Variants in PDE3A observed in about 807,000 individuals in gnomAD.
PDE3A encodes phosphodiesterase 3A, also known as cGMP-inhibited 3',5'-cyclic phosphodiesterase 3A.
PDE3A carries 43 observed loss-of-function variants against 98.3 expected under a neutral mutation model. The ratio of observed to expected loss-of-function variants is 0.44; its 90% CI spans 0.34 to 0.56. The LOEUF is 0.56. PDE3A is among the 20% of genes least tolerant of loss of function. The pLI is 0.01. For missense variants in PDE3A, 1,427 were observed against 1,440.7 expected, an observed-to-expected ratio of 0.99 and a Z score of 0.15; for synonymous variants, 663 against 567.9, an observed-to-expected ratio of 1.17 and a Z score of -2.38.
At chr12:20,382,324 C>G (rs1226628543) in intron 1 of PDE3A, among the ~76,000 whole-genome samples, 1 of 151,858 alleles carries the variant, frequency 6.6e-6, no homozygotes, top group Non-Finnish European at 1.5e-5. Flanking sequence ...ATTCAACAAA[C>G]AGTTTAAAAG....
chr12:20,492,728 T>A (rs1945850828), intron 1 of PDE3A, among the ~76,000 whole-genome samples: 1 of 152,008 alleles, frequency 6.6e-6, no homozygotes, highest in Non-Finnish European at 1.5e-5. Context: ...GAGGGGTGAT[T>A]ATAAATACTC....
At chr12:20,592,509 A>G (rs1943364003) in intron 2 of PDE3A, among the ~76,000 whole-genome samples, 1 of 152,150 alleles carries the variant, frequency 6.6e-6, no homozygotes, top group Non-Finnish European at 1.5e-5. Context: ...CCAATGATGT[A>G]TGTGTGCTGT....
chr12:20,491,518 A>C (rs573985408), intron 1 of PDE3A, among the ~76,000 whole-genome samples: 2 of 152,280 alleles, frequency 1.3e-5, no homozygotes, highest in African/African-American at 4.8e-5. Flanking sequence ...GTTTCTTCAG[A>C]GGTCAAGAAA....
chr12:20,369,613 G>A lies in PDE3A; in HGVS notation c.329G>A (p.Gly110Asp), dbSNP rs560681661. The change falls in exon 1 of 16, where the codon GGC (glycine) becomes GAC (aspartate). Residue 110 changes from glycine (G) to aspartate (D), a missense_variant. Gly to Asp is a moderately conservative substitution (Grantham distance 94). Transcript: ENST00000359062. ...EEEAAPGAEG[G>D]VFPGPRGGAP... ...GAAGCAGCCCCGGGAGCAGAAGGGG[G>A]CGTCTTCCCGGGGCCTCGGGGAGGT... 5.7e-6 allele frequency: 9 copies of A among 1,574,760 alleles called. No homozygotes were observed. The East Asian group carries it at 1.6e-4, about 29-fold the overall frequency.
At chr12:20,675,325 A>G (rs1444147355) in intron 15 of PDE3A, among the ~76,000 whole-genome samples, 2 of 152,178 alleles carry the variant, frequency 1.3e-5, no homozygotes, top group South Asian at 2.1e-4. Flanking sequence ...CTTATTTTGT[A>G]TCCTAGCATC....
intron 1 of PDE3A, among the ~76,000 whole-genome samples, chr12:20,427,051 A>T (rs796550920): frequency 3.9e-5 from 6 of 152,336 alleles, no homozygotes; most frequent in African/African-American, 1.4e-4. Flanking sequence ...TTAAGAATGG[A>T]TCAAGGAACA....
chr12:20,378,396 T>G (rs1224017736), intron 1 of PDE3A, among the ~76,000 whole-genome samples: 2 of 151,900 alleles, frequency 1.3e-5, no homozygotes, highest in Non-Finnish European at 3.0e-5. Context: ...TATATATAGA[T>G]ATATAGATTA....
chr12:20,475,644 T>A (rs1210743538), intron 1 of PDE3A, among the ~76,000 whole-genome samples: 1 of 152,000 alleles, frequency 6.6e-6, no homozygotes, highest in African/African-American at 2.4e-5. Flanking sequence ...GTAGGAGGAT[T>A]GATTGAACCT....
chr12:20,587,228 C>T (rs1020139992), intron 2 of PDE3A, among the ~76,000 whole-genome samples: 5 of 152,050 alleles, frequency 3.3e-5, no homozygotes, highest in African/African-American at 7.2e-5. Context: ...ATTAGCCAGG[C>T]GAGGTGGTTG....
intron 1 of PDE3A, among the ~76,000 whole-genome samples, chr12:20,389,322 C>T (rs1198021399): frequency 6.6e-6 from 1 of 151,746 alleles, no homozygotes; most frequent in African/African-American, 2.4e-5. Flanking sequence ...GCAATTTTTC[C>T]ATAAAACTAG....
At position 20,681,076 on chromosome 12, in the gene PDE3A, C is replaced by T. The variant is rs1217681156; in HGVS notation, c.*805C>T. 6.6e-6 allele frequency: 1 copy of T among 152,082 alleles called. No homozygotes were observed. The highest frequency in any genetic ancestry group is 1.5e-5 in the Non-Finnish European group (1 of 68,090). The allele number at this position is 152,082 out of a possible 1,614,324, so 9.4% of individuals were successfully genotyped here. On this transcript the variant is annotated 3_prime_UTR_variant, in exon 16 of 16. Transcript: ENST00000359062. ...CCTCCATTTAGCTTCAATAAAGGGC[C>T]TTTTGCTGATGGAGGGCACTCAAGG...
Position 20,687,914 on chromosome 12 carries a change from G to GAAAAAAAAAAAAAAAA in PDE3A, c.*7651_*7666dup, listed in dbSNP as rs58496505. 1.5e-3 allele frequency among the ~76,000 whole-genome samples: 146 copies of GAAAAAAAAAAAAAAAA among 94,260 alleles called. 8 individuals carry two copies. Among genetic ancestry groups the GAAAAAAAAAAAAAAAA allele is most frequent in the African/African-American group, 6.2e-3 (144 of 23,398 alleles). The allele number at this position is 94,260 out of a possible 152,430, so 61.8% of individuals were successfully genotyped here. On this transcript the variant is annotated 3_prime_UTR_variant, in exon 16 of 16. Coordinates refer to ENST00000359062, the MANE Select transcript of PDE3A (RefSeq NM_000921.5). Reference sequence around the variant, plus strand: ...GACCAGTCATTACCTCTTCCCAACAGAAAAAAAAAAAAAAAAAAAAAAACT... The same window carrying GAAAAAAAAAAAAAAAA: ...GACCAGTCATTACCTCTTCCCAACAGAAAAAAAAAAAAAAAAAAAAAAAAAAAAAAAAAAAAAAACT...
At chr12:20,651,608 C>G (rs1324907519) in intron 14 of PDE3A, among the ~76,000 whole-genome samples, 1 of 152,002 alleles carries the variant, frequency 6.6e-6, no homozygotes, top group Non-Finnish European at 1.5e-5. Context: ...GTGTTCAGGT[C>G]AATGTCAGAA....
At chr12:20,671,201 T>C (rs1945469226) in intron 15 of PDE3A, among the ~76,000 whole-genome samples, 3 of 147,932 alleles carry the variant, frequency 2.0e-5, no homozygotes, top group Admixed American at 2.0e-4. Context: ...ATTGTGGCAA[T>C]AATCAATAGT....
chr12:20,591,665 G>T (rs1943342143), intron 2 of PDE3A, among the ~76,000 whole-genome samples: 1 of 152,194 alleles, frequency 6.6e-6, no homozygotes, highest in Non-Finnish European at 1.5e-5. Context: ...CTAGGGGCTG[G>T]TAGAGAGGTG....
At chr12:20,671,967 A>G (rs1378152365) in intron 15 of PDE3A, among the ~76,000 whole-genome samples, 1 of 148,008 alleles carries the variant, frequency 6.8e-6, no homozygotes, top group African/African-American at 2.5e-5. Context: ...TCTCAGCCCA[A>G]AATCTCCTTA....
At chr12:20,596,693 A>T (rs1012156239) in intron 2 of PDE3A, among the ~76,000 whole-genome samples, 2 of 152,148 alleles carry the variant, frequency 1.3e-5, no homozygotes, top group Non-Finnish European at 2.9e-5. Flanking sequence ...TCTTGATGGA[A>T]AAATATTAAT....
intron 1 of PDE3A, among the ~76,000 whole-genome samples, chr12:20,445,030 T>C (rs571630136): frequency 2.9e-4 from 44 of 152,282 alleles, no homozygotes; most frequent in African/African-American, 1.0e-3. Flanking sequence ...TGGCCAGCTG[T>C]CATCAAATCC....
chr12:20,601,858 T>A (rs1943601606), intron 2 of PDE3A, among the ~76,000 whole-genome samples: 1 of 152,164 alleles, frequency 6.6e-6, no homozygotes, highest in Admixed American at 6.6e-5. Flanking sequence ...ATAATTCTTT[T>A]AAAAGGCAGA....
Sources: allele counts gnomAD v4.1 joint callset (sites outside exome capture counted in the v4.1 genomes callset), GRCh38; gene constraint gnomAD v4.1.1; transcripts MANE v1.5; gene names NCBI Gene and HGNC (gene_info 2026-07-23, HGNC 2026-07-21).